PTPRK: variants seen among roughly 807,000 people sequenced by gnomAD.
The protein encoded by PTPRK is receptor-type tyrosine-protein phosphatase kappa.
In PTPRK, 75 loss-of-function variants were observed where a neutral mutation model predicts 178.0. The ratio of observed to expected loss-of-function variants is 0.42; its 90% CI spans 0.35 to 0.51. The LOEUF (loss-of-function observed/expected upper bound fraction) is 0.51, where lower values mean the gene tolerates loss of function less well. Among genes scored for constraint, PTPRK ranks in the 20% least tolerant of loss-of-function variants. The pLI, the probability that PTPRK is intolerant of heterozygous loss-of-function variation, is 0.02. For synonymous variants in PTPRK, 637 were observed against 620.6 expected (o/e 1.03, Z -0.39); for missense variants, 1,441 against 1,797.8 (o/e 0.80, Z 3.59).
intron 2 of PTPRK, among the ~76,000 whole-genome samples, chr6:128,392,034 T>C (rs550661519): frequency 6.6e-6 from 1 of 152,048 alleles, no homozygotes; most frequent in South Asian, 2.1e-4. Context: ...ACACCAAATC[T>C]CTCCAAATAA....
chr6:128,321,677 A>C (rs1193509254), intron 3 of PTPRK: 14 of 634,976 alleles, frequency 2.2e-5, no homozygotes, highest in Non-Finnish European at 3.9e-5. Flanking sequence ...CAAAAAGGCT[A>C]TTTCTTCCTG....
chr6:128,188,398 A>G (rs997288768), intron 6 of PTPRK, among the ~76,000 whole-genome samples: 11 of 152,216 alleles, frequency 7.2e-5, no homozygotes, highest in Non-Finnish European at 1.3e-4. Flanking sequence ...AATAAAAAAT[A>G]GAAGCCATAA....
intron 13 of PTPRK, among the ~76,000 whole-genome samples, chr6:128,049,424 C>T (rs948568336): frequency 1.3e-5 from 2 of 152,060 alleles, no homozygotes; most frequent in Non-Finnish European, 2.9e-5. Flanking sequence ...CTTATCAATG[C>T]CCGCTTGCTT....
chr6:128,429,160 T>C (rs1216618566), intron 1 of PTPRK, among the ~76,000 whole-genome samples: 3 of 152,202 alleles, frequency 2.0e-5, no homozygotes, highest in Non-Finnish European at 4.4e-5. Context: ...CTTATGTGTG[T>C]GTCAATTTCA....
intron 15 of PTPRK, among the ~76,000 whole-genome samples, chr6:128,004,393 G>A (rs1314462575): frequency 6.6e-6 from 1 of 151,732 alleles, no homozygotes; most frequent in African/African-American, 2.4e-5. Context: ...TGATTCTGGG[G>A]TAATTATTAA....
intron 7 of PTPRK, among the ~76,000 whole-genome samples, chr6:128,116,421 T>G (rs1791533965): frequency 6.6e-6 from 1 of 152,236 alleles, no homozygotes; most frequent in African/African-American, 2.4e-5. Context: ...GTGAATATAT[T>G]GATAACTATA....
chr6:128,320,973 C>T (rs1828705815), intron 3 of PTPRK: 1 of 152,112 alleles, frequency 6.6e-6, no homozygotes, highest in African/African-American at 2.4e-5. Flanking sequence ...AACTGAAAAT[C>T]TTACCTGTGG....
At chr6:128,069,354 T>C (rs1782406283) in intron 11 of PTPRK, among the ~76,000 whole-genome samples, 1 of 152,086 alleles carries the variant, frequency 6.6e-6, no homozygotes, top group Non-Finnish European at 1.5e-5. Flanking sequence ...CCTATACCTC[T>C]GCCAAGTTGG....
At chr6:128,499,696 A>C (rs1356982749) in intron 1 of PTPRK, among the ~76,000 whole-genome samples, 1 of 152,226 alleles carries the variant, frequency 6.6e-6, no homozygotes, top group Non-Finnish European at 1.5e-5. Context: ...ACAGTTAGAA[A>C]TTCTTTTTGC....
At chr6:128,082,415 T>G in intron 10 of PTPRK, 22 bp downstream of exon 10, 1 of 1,564,418 alleles carries the variant, frequency 6.4e-7, no homozygotes, top group Non-Finnish European at 8.8e-7. Context: ...CAATCCTATT[T>G]GTAATTTATT....
chr6:128,051,684 G>A (rs908397001), intron 13 of PTPRK, among the ~76,000 whole-genome samples: 3 of 151,984 alleles, frequency 2.0e-5, no homozygotes, highest in Non-Finnish European at 4.4e-5. Context: ...GTCTCAAGAT[G>A]GGTATCCTGC....
At chr6:128,182,133 A>T (rs564709832) in intron 7 of PTPRK, among the ~76,000 whole-genome samples, 1 of 150,694 alleles carries the variant, frequency 6.6e-6, no homozygotes, top group Non-Finnish European at 1.5e-5. Flanking sequence ...AAAACAAATA[A>T]ACTTAATACT....
intron 13 of PTPRK, among the ~76,000 whole-genome samples, chr6:128,010,571 A>G (rs1022174947): frequency 2.0e-4 from 30 of 151,248 alleles, no homozygotes; most frequent in Non-Finnish European, 2.8e-4. Context: ...TGCCAAAAGG[A>G]GACTGTTGAG....
intron 2 of PTPRK, 42 bp downstream of exon 2, chr6:128,397,524 A>G (rs2128369004): frequency 6.2e-7 from 1 of 1,606,154 alleles, no homozygotes; most frequent in Non-Finnish European, 8.5e-7. Flanking sequence ...TAGATACTGC[A>G]AAACTATTCC....
chr6:128,032,144 G>C (rs1775448082), intron 13 of PTPRK, among the ~76,000 whole-genome samples: 1 of 152,170 alleles, frequency 6.6e-6, no homozygotes, highest in African/African-American at 2.4e-5. Flanking sequence ...CCAGCTTCTT[G>C]TACAACGCAG....
At chr6:128,316,944 C>A (rs1235175434) in intron 3 of PTPRK, among the ~76,000 whole-genome samples, 1 of 152,042 alleles carries the variant, frequency 6.6e-6, no homozygotes, top group African/African-American at 2.4e-5. Flanking sequence ...CTTTCCAACC[C>A]ATTTGGGGTA....
intron 7 of PTPRK, among the ~76,000 whole-genome samples, chr6:128,119,152 A>G (rs986982892): frequency 2.0e-5 from 3 of 152,294 alleles, no homozygotes; most frequent in Non-Finnish European, 4.4e-5. Flanking sequence ...CTAGTAAAGT[A>G]TATTTACAGG....
At chr6:128,516,318 G>A (rs925646037) in intron 1 of PTPRK, among the ~76,000 whole-genome samples, 26 of 152,116 alleles carry the variant, frequency 1.7e-4, no homozygotes, top group East Asian at 5.8e-4. Flanking sequence ...TCCTCTTTCC[G>A]TCTGGGTAGG....
chr6:128,358,988 G>C (rs1193991799), intron 2 of PTPRK, among the ~76,000 whole-genome samples: 2 of 152,132 alleles, frequency 1.3e-5, no homozygotes, highest in Admixed American at 1.3e-4. Context: ...GATACTTATT[G>C]CTCCCGGTTT....
Sources: gnomAD v4.1 joint callset for allele counts (sites outside exome capture counted in the v4.1 genomes callset) on GRCh38, gnomAD v4.1.1 for gene constraint, MANE v1.5 for transcripts, NCBI Gene and HGNC (gene_info 2026-07-23, HGNC 2026-07-21) for gene names.